Variants in GPM6A observed in about 807,000 individuals in gnomAD.
GPM6A encodes the protein neuronal membrane glycoprotein M6-a.
Under a neutral mutation model 32.1 loss-of-function variants are expected in GPM6A, and 7 were observed. The observed-to-expected ratio is 0.22, with a 90% CI of 0.12 to 0.41. The LOEUF (loss-of-function observed/expected upper bound fraction) is 0.41. Among genes scored for constraint, GPM6A ranks in the 10% least tolerant of loss-of-function variants. The pLI, the probability that GPM6A is intolerant of heterozygous loss-of-function variation, is 1.00. For synonymous variants in GPM6A, 130 were observed against 123.4 expected, an observed-to-expected ratio of 1.05 and a Z score of -0.35; for missense variants, 235 against 347.2, an observed-to-expected ratio of 0.68 and a Z score of 2.57.
intron 3 of GPM6A, among the ~76,000 whole-genome samples, chr4:175,672,780 C>A (rs1189723734): frequency 6.6e-6 from 1 of 152,066 alleles, no homozygotes; most frequent in Non-Finnish European, 1.5e-5. Flanking sequence ...ATTCCAGAGA[C>A]CACTACAAAT....
intron 1 of GPM6A, among the ~76,000 whole-genome samples, chr4:175,755,520 GT>G (rs1224077183): frequency 6.6e-6 from 1 of 152,072 alleles, no homozygotes; most frequent in African/African-American, 2.4e-5. Context: ...TATCTGAAAT[GT>G]TTATTTATGT....
In GPM6A at chr4:175,968,943, T is replaced by G. The variant is rs375257956; in HGVS notation, c.-23+33366A>C. 2.0e-5 allele frequency among the ~76,000 whole-genome samples: 3 copies of G among 152,190 alleles called. No individual in the cohort carries two copies. In the East Asian group the frequency reaches 5.8e-4, roughly 29 times the overall value. ...TATTTACCTACATGAATTAAAAACT[T>G]TAGACTACACAAAATTTATGGATAT... On this transcript the variant is annotated intron_variant, in intron 1 of 7. Coordinates refer to the GPM6A transcript ENST00000280187.
chr4:175,725,796 G>A (rs1746373055), intron 1 of GPM6A, among the ~76,000 whole-genome samples: 1 of 151,962 alleles, frequency 6.6e-6, no homozygotes, highest in South Asian at 2.1e-4. Flanking sequence ...GAAAAAATTT[G>A]TATGCTATTT....
chr4:175,642,546 T>C (rs1266347341), intron 4 of GPM6A, among the ~76,000 whole-genome samples: 1 of 152,182 alleles, frequency 6.6e-6, no homozygotes, highest in Admixed American at 6.5e-5. Flanking sequence ...TTCTTGCAAG[T>C]TGACAGTATT....
chr4:175,762,164 T>G (rs1732773544), intron 1 of GPM6A, among the ~76,000 whole-genome samples: 1 of 152,228 alleles, frequency 6.6e-6, no homozygotes, highest in South Asian at 2.1e-4. Flanking sequence ...TAATGTGCTT[T>G]GAATTCCCTT....
intron 1 of GPM6A, among the ~76,000 whole-genome samples, chr4:175,817,433 A>G (rs939156124): frequency 6.6e-6 from 1 of 152,278 alleles, no homozygotes; most frequent in Non-Finnish European, 1.5e-5. Context: ...CTAGCAGCGT[A>G]GGACAGACCA....
chr4:175,918,442 G>A (rs759631578), intron 1 of GPM6A, among the ~76,000 whole-genome samples: 7 of 151,814 alleles, frequency 4.6e-5, no homozygotes, highest in Admixed American at 1.3e-4. Context: ...AAATAACATC[G>A]CAATAGGTTT....
intron 1 of GPM6A, among the ~76,000 whole-genome samples, chr4:175,897,329 C>T (rs927867871): frequency 6.6e-6 from 1 of 152,076 alleles, no homozygotes; most frequent in Non-Finnish European, 1.5e-5. Context: ...ACCCTGGCTT[C>T]TCCTTACTTC....
At chr4:175,829,711 T>C (rs1157940899) in intron 1 of GPM6A, among the ~76,000 whole-genome samples, 1 of 147,598 alleles carries the variant, frequency 6.8e-6, no homozygotes, top group Non-Finnish European at 1.5e-5. Context: ...ATATTACATA[T>C]ATATGTATAT....
At chr4:175,786,374 C>T (rs1579499055) in intron 1 of GPM6A, among the ~76,000 whole-genome samples, 4 of 151,752 alleles carry the variant, frequency 2.6e-5, no homozygotes, top group East Asian at 2.0e-4. Context: ...TCTTCTCTCC[C>T]TTTTCCTGAC....
chr4:175,778,501 T>G (rs1373918740), intron 1 of GPM6A, among the ~76,000 whole-genome samples: 1 of 151,564 alleles, frequency 6.6e-6, no homozygotes, highest in East Asian at 1.9e-4. Context: ...GGCGTGCACC[T>G]GTAGTCCCAG....
At chr4:175,917,164 G>A (rs544079268) in intron 1 of GPM6A, among the ~76,000 whole-genome samples, 9 of 152,186 alleles carry the variant, frequency 5.9e-5, no homozygotes, top group East Asian at 1.9e-4. Context: ...TTCCTCCAGC[G>A]GGTGGGGGTA....
intron 1 of GPM6A, among the ~76,000 whole-genome samples, chr4:175,968,574 T>A (rs934812978): frequency 1.3e-5 from 2 of 152,162 alleles, no homozygotes; most frequent in African/African-American, 4.8e-5. Context: ...TTCTTAAATA[T>A]CTACAGTAAT....
At chr4:175,975,059 C>A (rs1740619556) in intron 1 of GPM6A, among the ~76,000 whole-genome samples, 1 of 152,202 alleles carries the variant, frequency 6.6e-6, no homozygotes, top group Non-Finnish European at 1.5e-5. Flanking sequence ...TCAGCCTTCA[C>A]ACATGCCTCT....
chr4:175,792,366 T>C (rs888566092), intron 1 of GPM6A, among the ~76,000 whole-genome samples: 1 of 152,178 alleles, frequency 6.6e-6, no homozygotes, highest in Non-Finnish European at 1.5e-5. Context: ...ATATTTGGTG[T>C]CTACTCTTCC....
In GPM6A at chr4:175,889,518, C is replaced by CAAAAAAAAAAAAAAAAAA. The variant is rs35210127; in HGVS notation, c.-22-77270_-22-77269insTTTTTTTTTTTTTTTTTT. Among the ~76,000 whole-genome samples, 115 of 136,970 alleles carry CAAAAAAAAAAAAAAAAAA rather than the reference C, an allele frequency of 8.4e-4. 1 individual carries two copies. The highest frequency in any genetic ancestry group is 3.1e-3 in the African/African-American group (108 of 35,046). The allele number at this position is 136,970 out of a possible 152,430, so 89.9% of individuals were successfully genotyped here. ...GAGTGACAGAGCAAAACCCTGTCTC[C>CAAAAAAAAAAAAAAAAAA]AAAAAAAAAAAAAGAGGCCAGGCGC... On this transcript the variant is annotated intron_variant, in intron 1 of 7. Transcript: ENST00000280187.
chr4:175,644,581 C>G (rs2333247), intron 4 of GPM6A, among the ~76,000 whole-genome samples: 1 of 151,448 alleles, frequency 6.6e-6, no homozygotes, highest in African/African-American at 2.4e-5. Context: ...GAAGGGAGCA[C>G]GTGGAGGATG....
At chr4:175,787,595 G>A in intron 1 of GPM6A, 1 of 1,337,848 alleles carries the variant, frequency 7.5e-7, no homozygotes, top group South Asian at 1.9e-5. Flanking sequence ...TTCTAATTCA[G>A]CTTTTTTCCC....
intron 1 of GPM6A, among the ~76,000 whole-genome samples, chr4:175,857,373 A>G (rs551041695): frequency 6.6e-6 from 1 of 152,338 alleles, no homozygotes; most frequent in South Asian, 2.1e-4. Flanking sequence ...GTGAAGAAGT[A>G]CAAAACCACT....
Sources: gnomAD v4.1 joint callset for allele counts (sites outside exome capture counted in the v4.1 genomes callset) on GRCh38, gnomAD v4.1.1 for gene constraint, MANE v1.5 for transcripts, NCBI Gene and HGNC (gene_info 2026-07-23, HGNC 2026-07-21) for gene names.